PIK3C2A: variants seen among roughly 807,000 people sequenced by gnomAD.
PIK3C2A encodes phosphatidylinositol 4-phosphate 3-kinase C2 domain-containing subunit alpha.
Under a neutral mutation model 204.5 loss-of-function variants are expected in PIK3C2A, and 97 were observed. The ratio of observed to expected loss-of-function variants is 0.47; its 90% CI spans 0.40 to 0.56. The LOEUF (loss-of-function observed/expected upper bound fraction) is 0.56. Among genes scored for constraint, PIK3C2A ranks in the 20% least tolerant of loss-of-function variants. The pLI is 0.00. For synonymous variants in PIK3C2A, 653 were observed against 664.4 expected (o/e 0.98, Z 0.26); for missense variants, 1,735 against 1,969.2 (o/e 0.88, Z 2.25).
chr11:17,107,070 T>C (rs1848844983), intron 22 of PIK3C2A, among the ~76,000 whole-genome samples: 2 of 152,136 alleles, frequency 1.3e-5, no homozygotes, highest in Admixed American at 6.5e-5. Flanking sequence ...TCCCAGCACT[T>C]TGGGAGGCCG....
At chr11:17,153,947 A>C (rs1178168308) in intron 3 of PIK3C2A, among the ~76,000 whole-genome samples, 1 of 152,244 alleles carries the variant, frequency 6.6e-6, no homozygotes, top group Non-Finnish European at 1.5e-5. Flanking sequence ...TTCCTAGAAC[A>C]TGCCTTCAAA....
chr11:17,168,136 G>T (rs1387299053), intron 2 of PIK3C2A, among the ~76,000 whole-genome samples: 2 of 152,174 alleles, frequency 1.3e-5, no homozygotes, highest in Admixed American at 6.5e-5. Context: ...TTCATTAGAG[G>T]CTTTTTATTT....
Position 17,169,776 on chromosome 11 carries a change from T to A in PIK3C2A, c.-35A>T. On this transcript the variant is annotated 5_prime_UTR_variant, in exon 2 of 33. Coordinates refer to ENST00000691414, the MANE Select transcript of PIK3C2A (RefSeq NM_002645.4). ...AAAGACCAAACCTTCCTTCCTCTAT[T>A]TTTTTCTTGTAGCTTCCAAAATAGC... The A allele has an allele frequency of 6.8e-7, 1 of 1,463,820 alleles. No homozygotes were observed. The highest frequency in any genetic ancestry group is 9.2e-7 in the Non-Finnish European group (1 of 1,090,454). 90.7% of individuals were successfully genotyped at this position (1,463,820 alleles called of 1,614,324 possible).
Position 17,169,545 on chromosome 11 carries a change from T to C in PIK3C2A, c.197A>G (p.Gln66Arg). Residue 66 changes from glutamine to arginine, a missense_variant, in exon 2 of 33, where the codon CAG (glutamine) becomes CGG (arginine). Gln to Arg is a conservative substitution (Grantham distance 43, BLOSUM62 1). Around this residue, in one of 6 missense-constraint regions of PIK3C2A, gnomAD observed 536 missense variants for 546.7 expected, o/e 0.98. Transcript: ENST00000691414. ...ATCATAATCCTGCTTGTTATAAACCTGTGCTTTTTTTCTGGTGCTGCTTGA... is the reference window on the plus strand; with the variant it reads ...ATCATAATCCTGCTTGTTATAAACCCGTGCTTTTTTTCTGGTGCTGCTTGA... ...ELSSSTRKKA[Q>R]VYNKQDYDLM... 1 of 1,614,170 alleles carries C rather than the reference T, an allele frequency of 6.2e-7. No homozygotes were observed. Among genetic ancestry groups the C allele is most frequent in the Non-Finnish European group, 8.5e-7 (1 of 1,180,018 alleles).
At chr11:17,159,948 G>T (rs1328767230) in intron 2 of PIK3C2A, among the ~76,000 whole-genome samples, 1 of 152,184 alleles carries the variant, frequency 6.6e-6, no homozygotes, top group Non-Finnish European at 1.5e-5. Context: ...GGGTCATTCT[G>T]CAGGCCTTCA....
At chr11:17,137,195 C>G (rs754074420) in intron 8 of PIK3C2A, among the ~76,000 whole-genome samples, 2 of 152,078 alleles carry the variant, frequency 1.3e-5, no homozygotes, top group African/African-American at 2.4e-5. Flanking sequence ...TTAAATTTTT[C>G]CACCCTTGAG....
chr11:17,124,024 C>A (rs139148028), intron 13 of PIK3C2A, among the ~76,000 whole-genome samples: 162 of 151,656 alleles, frequency 1.1e-3, no homozygotes, highest in African/African-American at 3.7e-3. Context: ...TCTTTGATAC[C>A]TTATAATCCA....
At chr11:17,095,374 G>A in intron 27 of PIK3C2A, among the ~76,000 whole-genome samples, 1 of 143,594 alleles carries the variant, frequency 7.0e-6, no homozygotes, top group South Asian at 2.2e-4. Flanking sequence ...AGGATATTGA[G>A]ACCATCCTGG....
intron 28 of PIK3C2A, 83 bp downstream of exon 28, chr11:17,094,178 G>T: frequency 1.0e-6 from 1 of 990,774 alleles, no homozygotes; most frequent in Non-Finnish European, 1.5e-6. Context: ...ATCTTACTAA[G>T]TGTTAACACA....
At chr11:17,148,225 G>C (rs1301289579) in intron 5 of PIK3C2A, 2 of 146,028 alleles carry the variant, frequency 1.4e-5, no homozygotes, top group African/African-American at 5.0e-5. Context: ...AAAAAAAAAA[G>C]ATATAATAAA....
intron 1 of PIK3C2A, among the ~76,000 whole-genome samples, chr11:17,174,314 G>A (rs12788071): frequency 4.1e-4 from 24 of 57,866 alleles, no homozygotes; most frequent in African/African-American, 1.5e-3. Context: ...GCGGCCGGGC[G>A]CGGTGGCTCA....
At chr11:17,137,026 G>A (rs376797440) in intron 8 of PIK3C2A, among the ~76,000 whole-genome samples, 12 of 152,138 alleles carry the variant, frequency 7.9e-5, no homozygotes, top group African/African-American at 1.9e-4. Flanking sequence ...TTCAGAGGTC[G>A]GTCACATATT....
intron 1 of PIK3C2A, among the ~76,000 whole-genome samples, chr11:17,198,003 A>G (rs545991746): frequency 8.5e-5 from 13 of 152,336 alleles, no homozygotes; most frequent in African/African-American, 2.6e-4. Context: ...TTACTTTCAC[A>G]TGACATCAAC....
intron 8 of PIK3C2A, among the ~76,000 whole-genome samples, chr11:17,143,838 G>C (rs1014745358): frequency 1.3e-5 from 2 of 152,104 alleles, no homozygotes; most frequent in Non-Finnish European, 2.9e-5. Flanking sequence ...TAGGGAGGCT[G>C]AGGTGGGAGA....
At chr11:17,156,048 A>T (rs1850580749) in intron 2 of PIK3C2A, among the ~76,000 whole-genome samples, 1 of 152,210 alleles carries the variant, frequency 6.6e-6, no homozygotes, top group Non-Finnish European at 1.5e-5. Flanking sequence ...CCCAAATCCC[A>T]AGAAAGATGG....
intron 1 of PIK3C2A, among the ~76,000 whole-genome samples, chr11:17,176,769 G>A (rs1851353469): frequency 1.3e-5 from 2 of 152,116 alleles, no homozygotes; most frequent in Admixed American, 6.6e-5. Flanking sequence ...CTGGGGGACA[G>A]AATGAGTTTC....
intron 2 of PIK3C2A, among the ~76,000 whole-genome samples, chr11:17,163,784 T>C (rs929499345): frequency 1.8e-4 from 28 of 152,060 alleles, no homozygotes; most frequent in African/African-American, 6.8e-4. Flanking sequence ...GTATACTTAA[T>C]ATATTTAACG....
chr11:17,207,220 A>G (rs887057482), intron 1 of PIK3C2A, among the ~76,000 whole-genome samples: 1 of 152,184 alleles, frequency 6.6e-6, no homozygotes, highest in African/African-American at 2.4e-5. Context: ...TTAAGCTAGT[A>G]TTTTTTAATC....
chr11:17,094,627 G>A (rs1046366916), intron 27 of PIK3C2A, among the ~76,000 whole-genome samples: 1 of 152,094 alleles, frequency 6.6e-6, no homozygotes, highest in African/African-American at 2.4e-5. Flanking sequence ...GGGAGGCTGA[G>A]GCAGGCAAAT....
Sources: gnomAD v4.1 joint callset for allele counts (sites outside exome capture counted in the v4.1 genomes callset) on GRCh38, gnomAD v4.1.1 for gene constraint, gnomAD v4.1.1 regional missense constraint, MANE v1.5 for transcripts, NCBI Gene and HGNC (gene_info 2026-07-23, HGNC 2026-07-21) for gene names.